The following FILIP1 variants were observed in gnomAD, a reference collection of about 807,000 sequenced individuals.
The protein encoded by FILIP1 is filamin A interacting protein 1.
A neutral mutation model predicts 102.1 loss-of-function variants in FILIP1; 61 were observed. The ratio of observed to expected loss-of-function variants is 0.60; its 90% CI spans 0.49 to 0.74. The LOEUF (loss-of-function observed/expected upper bound fraction) is 0.74, where lower values mean the gene tolerates loss of function less well. FILIP1 is among the 30% of genes least tolerant of loss of function. The pLI is 0.00. For missense variants in FILIP1, 1,314 were observed against 1,441.2 expected (o/e 0.91, Z 1.43); for synonymous variants, 491 against 526.9 (o/e 0.93, Z 0.93).
intron 4 of FILIP1, among the ~76,000 whole-genome samples, chr6:75,352,609 T>C (rs1774846519): frequency 6.6e-6 from 1 of 152,194 alleles, no homozygotes; most frequent in Non-Finnish European, 1.5e-5. Flanking sequence ...TTAAAAGTTA[T>C]GCAGCCCTTA....
intron 2 of FILIP1, chr6:75,384,791 T>C (rs1776027167): frequency 6.6e-6 from 1 of 150,652 alleles, no homozygotes; most frequent in Admixed American, 6.8e-5. Context: ...AAAAATTTAA[T>C]TGCTTTTTTT....
intron 2 of FILIP1, among the ~76,000 whole-genome samples, chr6:75,372,435 G>GA (rs1015965952): frequency 4.3e-5 from 6 of 139,576 alleles, no homozygotes; most frequent in African/African-American, 5.3e-5. Context: ...TGGCAAAAAA[G>GA]AAAAAAAAAT....
chr6:75,407,903 C>A (rs1776930295), intron 2 of FILIP1, among the ~76,000 whole-genome samples: 1 of 152,144 alleles, frequency 6.6e-6, no homozygotes, highest in African/African-American at 2.4e-5. Flanking sequence ...AATCATTCTG[C>A]ACAAATGTCC....
At chr6:75,360,607 G>A (rs1390182658) in intron 3 of FILIP1, 1 of 152,208 alleles carries the variant, frequency 6.6e-6, no homozygotes, top group Non-Finnish European at 1.5e-5. Flanking sequence ...TGATATTCCA[G>A]ACTTTAATTT....
intron 4 of FILIP1, among the ~76,000 whole-genome samples, chr6:75,327,649 T>C (rs1773915986): frequency 6.6e-6 from 1 of 151,220 alleles, no homozygotes. Context: ...CTCATATATA[T>C]TTAAGAAACT....
At chr6:75,485,972 CACACACACACACACACACACACACAT>C (rs1779774662) in intron 1 of FILIP1, among the ~76,000 whole-genome samples, 2 of 122,298 alleles carry the variant, frequency 1.6e-5, no homozygotes, top group East Asian at 2.7e-4. Flanking sequence ...GACCAAAACA[CACACACACACACACACACACACACAT>C]ACACACACAC....
intron 1 of FILIP1, among the ~76,000 whole-genome samples, chr6:75,442,877 T>C (rs1778319749): frequency 6.6e-6 from 1 of 152,244 alleles, no homozygotes; most frequent in African/African-American, 2.4e-5. Flanking sequence ...CCCTGATTTC[T>C]TAACAACCCT....
intron 2 of FILIP1, among the ~76,000 whole-genome samples, chr6:75,374,328 G>A (rs1360313702): frequency 6.6e-6 from 1 of 152,156 alleles, no homozygotes; most frequent in Non-Finnish European, 1.5e-5. Context: ...CCACCTGTAC[G>A]CATAATCAGC....
At chr6:75,403,149 G>A (rs1040530513) in intron 2 of FILIP1, among the ~76,000 whole-genome samples, 13 of 152,116 alleles carry the variant, frequency 8.5e-5, no homozygotes, top group African/African-American at 3.1e-4. Flanking sequence ...GCAGGAGAAA[G>A]ATAAGCATTG....
chr6:75,389,589 G>A (rs1235398843), intron 2 of FILIP1, among the ~76,000 whole-genome samples: 1 of 152,068 alleles, frequency 6.6e-6, no homozygotes, highest in Non-Finnish European at 1.5e-5. Context: ...CTTCTTCCTG[G>A]TTTAGTATTA....
chr6:75,361,772 G>A (rs979256208), intron 3 of FILIP1: 2 of 152,194 alleles, frequency 1.3e-5, no homozygotes, highest in Non-Finnish European at 2.9e-5. Context: ...TACACAGCTA[G>A]CAGTGGTAAG....
intron 1 of FILIP1, among the ~76,000 whole-genome samples, chr6:75,434,044 C>T (rs759330545): frequency 1.6e-4 from 25 of 152,094 alleles, no homozygotes; most frequent in Non-Finnish European, 2.5e-4. Flanking sequence ...TTCCATTGGT[C>T]TCTATCTCTG....
Position 75,362,745 on chromosome 6 carries a change from T to G in FILIP1, c.449A>C (p.Glu150Ala). The G allele has an allele frequency of 6.2e-7, 1 of 1,612,742 alleles. No homozygotes were observed. Among genetic ancestry groups the G allele is most frequent in the Non-Finnish European group, 8.5e-7 (1 of 1,179,742 alleles). Residue 150 changes from glutamate to alanine, a missense_variant and splice_region_variant, in exon 3 of 6, where the codon GAG becomes GCG. Glu to Ala is a moderately radical substitution (Grantham distance 107). Transcript: ENST00000237172. Reference sequence around the variant, plus strand: ...GACTTGTTGGTGTCATATTTTTACCTCTGAAATCGGTTTCTCATAGACATC... The same window carrying G: ...GACTTGTTGGTGTCATATTTTTACCGCTGAAATCGGTTTCTCATAGACATC... ...GEDVYEKPISELDRLEEKQKE... is the reference protein window; with the variant it reads ...GEDVYEKPISALDRLEEKQKE...
Position 75,312,782 on chromosome 6 carries a change from G to A in FILIP1, c.3050C>T (p.Ala1017Val). ...IQIMTVSTSA[A>V]PAEIAVSPES... Reference sequence around the variant, plus strand: ...GGGAGAAACTGCAATCTCAGCTGGTGCTGCTGATGTAGACACCGTCATTAT... The same window carrying A: ...GGGAGAAACTGCAATCTCAGCTGGTACTGCTGATGTAGACACCGTCATTAT... The change falls in exon 5 of 6, where the codon GCA becomes GTA. Residue 1017 changes from alanine (A) to valine (V), a missense_variant. Physicochemically the swap from Ala to Val is moderately conservative, Grantham distance 64. Transcript: ENST00000237172. 1 of 1,614,220 alleles carries A rather than the reference G, an allele frequency of 6.2e-7. No homozygotes were observed. Among genetic ancestry groups the A allele is most frequent in the Non-Finnish European group, 8.5e-7 (1 of 1,180,042 alleles).
rs1176412579 is a variant in FILIP1 at position 75,313,198 on chromosome 6, G to A, written c.2634C>T (p.Asn878=). The change falls in exon 5 of 6, where the codon AAC becomes AAT. Residue 878 remains asparagine (N), a synonymous_variant. Transcript: ENST00000237172. The surrounding 1 kb of genome is among the most constrained non-coding windows in gnomAD (Gnocchi z 4.2). ...CTTTCTCCTGAGTGATGGAGGGGCC[G>A]TTTTCCCTCTTTCTCATCCATGGAA... ...SWIPWMRKRE[N]GPSITQEKGP... is the part of the protein sequence containing the mutation. The A allele has an allele frequency of 3.7e-6, 6 of 1,614,124 alleles. No individual in the cohort carries two copies. Among genetic ancestry groups the A allele is most frequent in the Non-Finnish European group, 5.1e-6 (6 of 1,180,026 alleles).
intron 4 of FILIP1, among the ~76,000 whole-genome samples, chr6:75,325,618 G>A (rs1773818691): frequency 6.6e-6 from 1 of 152,132 alleles, no homozygotes; most frequent in African/African-American, 2.4e-5. Flanking sequence ...TATACCAACA[G>A]CCAACAAACA....
chr6:75,345,418 C>T (rs759022769), intron 4 of FILIP1, among the ~76,000 whole-genome samples: 12 of 150,754 alleles, frequency 8.0e-5, no homozygotes, highest in Non-Finnish European at 5.9e-5. Flanking sequence ...AACAAGCAAG[C>T]GGGAAGCTCG....
chr6:75,384,992 G>T (rs1244782449), intron 2 of FILIP1: 1 of 146,148 alleles, frequency 6.8e-6, no homozygotes, highest in Non-Finnish European at 1.5e-5. Context: ...GAGAGACAAG[G>T]TTTCGCCATG....
chr6:75,429,561 T>A (rs142422657), intron 1 of FILIP1, among the ~76,000 whole-genome samples: 1 of 152,266 alleles, frequency 6.6e-6, no homozygotes, highest in East Asian at 1.9e-4. Flanking sequence ...AAGAACTGGC[T>A]ATGCAGGAGA....
Sources: allele counts gnomAD v4.1 joint callset (sites outside exome capture counted in the v4.1 genomes callset), GRCh38; gene constraint gnomAD v4.1.1; non-coding constraint Gnocchi (gnomAD v3.1); transcripts MANE v1.5; gene names NCBI Gene and HGNC (gene_info 2026-07-23, HGNC 2026-07-21).